CACNG3: variants seen among roughly 807,000 people sequenced by gnomAD.
CACNG3 encodes the protein calcium voltage-gated channel auxiliary subunit gamma 3.
CACNG3 carries 3 observed loss-of-function variants against 28.5 expected under a neutral mutation model. The ratio of observed to expected loss-of-function variants is 0.11; its 90% CI spans 0.05 to 0.27. The LOEUF (loss-of-function observed/expected upper bound fraction) is 0.27. CACNG3 is among the 10% of genes least tolerant of loss of function. The pLI, the probability that CACNG3 is intolerant of heterozygous loss-of-function variation, is 1.00. For synonymous variants in CACNG3, 174 were observed against 162.2 expected (o/e 1.07, Z -0.55); for missense variants, 236 against 414.4 (o/e 0.57, Z 3.74).
In CACNG3 at chr16:24,351,252, A is replaced by T. The variant is rs928499583; in HGVS notation, c.296-3581A>T. On this transcript the variant is annotated intron_variant, in intron 2 of 3. Coordinates refer to ENST00000005284, the MANE Select transcript of CACNG3 (RefSeq NM_006539.4). ...ATGTAAGTTTCTAAAGCTTCAGTTC[A>T]TGGGCATCCAGCCTGTTAGAAAATT... Among the ~76,000 whole-genome samples the T allele has an allele frequency of 6.6e-5, 10 of 152,214 alleles. No individual in the cohort carries two copies. In the East Asian group the frequency reaches 1.9e-3, roughly 29 times the overall value.
At chr16:24,315,470 CCTTT>C (rs1329848111) in intron 1 of CACNG3, among the ~76,000 whole-genome samples, 1 of 140,720 alleles carries the variant, frequency 7.1e-6, no homozygotes, top group Non-Finnish European at 1.5e-5. Flanking sequence ...TTCCTTCCTT[CCTTT>C]CTCTCTCTCT....
chr16:24,272,496 T>G (rs1287513003), intron 1 of CACNG3, among the ~76,000 whole-genome samples: 1 of 152,170 alleles, frequency 6.6e-6, no homozygotes, highest in Non-Finnish European at 1.5e-5. Flanking sequence ...ATTAGACATT[T>G]AATCATGCAC....
intron 1 of CACNG3, among the ~76,000 whole-genome samples, chr16:24,309,785 G>T (rs953270006): frequency 6.6e-6 from 1 of 152,200 alleles, no homozygotes; most frequent in Non-Finnish European, 1.5e-5. Flanking sequence ...ATACAGAGGA[G>T]GAGATGTATT....
At chr16:24,273,384 A>G (rs1047241656) in intron 1 of CACNG3, among the ~76,000 whole-genome samples, 4 of 152,194 alleles carry the variant, frequency 2.6e-5, no homozygotes, top group African/African-American at 9.7e-5. Flanking sequence ...AATTTTTTAA[A>G]ATAACGCACA....
chr16:24,332,031 T>C (rs938122104), intron 1 of CACNG3, among the ~76,000 whole-genome samples: 1 of 152,250 alleles, frequency 6.6e-6, no homozygotes, highest in African/African-American at 2.4e-5. Flanking sequence ...GTTTCATTTA[T>C]TTCTTTGTTT....
intron 1 of CACNG3, among the ~76,000 whole-genome samples, chr16:24,276,362 TA>T (rs1898753719): frequency 6.6e-6 from 1 of 152,224 alleles, no homozygotes; most frequent in African/African-American, 2.4e-5. Context: ...TAGGAAATAT[TA>T]AATAGATACA....
intron 1 of CACNG3, among the ~76,000 whole-genome samples, chr16:24,331,988 T>A (rs1899637054): frequency 6.6e-6 from 1 of 152,230 alleles, no homozygotes; most frequent in Non-Finnish European, 1.5e-5. Flanking sequence ...AACTTACCAC[T>A]GAAATTATCT....
chr16:24,314,533 G>C (rs1244706754), intron 1 of CACNG3, among the ~76,000 whole-genome samples: 1 of 152,154 alleles, frequency 6.6e-6, no homozygotes, highest in Non-Finnish European at 1.5e-5. Flanking sequence ...TGGACAGCAG[G>C]CTCTTCTCTA....
chr16:24,311,390 T>C (rs1899260435), intron 1 of CACNG3, among the ~76,000 whole-genome samples: 1 of 151,736 alleles, frequency 6.6e-6, no homozygotes, highest in Non-Finnish European at 1.5e-5. Context: ...CCACCTGTAG[T>C]CCCAGCTACT....
chr16:24,277,291 A>C (rs747324116), intron 1 of CACNG3, among the ~76,000 whole-genome samples: 69 of 152,214 alleles, frequency 4.5e-4, no homozygotes, highest in Non-Finnish European at 7.2e-4. Flanking sequence ...ATACTAAGGC[A>C]GTAGCTCTCG....
At chr16:24,347,817 C>T (rs541104934) in intron 2 of CACNG3, among the ~76,000 whole-genome samples, 1 of 152,224 alleles carries the variant, frequency 6.6e-6, no homozygotes, top group Non-Finnish European at 1.5e-5. Context: ...ACTCTACTAG[C>T]TGGGTTGGAC....
chr16:24,326,902 C>T (rs1176685756), intron 1 of CACNG3, among the ~76,000 whole-genome samples: 1 of 152,014 alleles, frequency 6.6e-6, no homozygotes, highest in Non-Finnish European at 1.5e-5. Flanking sequence ...CATGATCTCG[C>T]TCCCCTGCCA....
intron 1 of CACNG3, among the ~76,000 whole-genome samples, chr16:24,260,010 T>C (rs1185109764): frequency 2.0e-5 from 3 of 152,192 alleles, no homozygotes; most frequent in African/African-American, 7.2e-5. Flanking sequence ...AGCCAACATG[T>C]ATTGGTATTT....
At chr16:24,282,435 C>T (rs1898842419) in intron 1 of CACNG3, among the ~76,000 whole-genome samples, 1 of 151,252 alleles carries the variant, frequency 6.6e-6, no homozygotes, top group African/African-American at 2.4e-5. Flanking sequence ...GAATCTTACA[C>T]TCGGATAATT....
At chr16:24,309,633 C>T (rs1472077907) in intron 1 of CACNG3, among the ~76,000 whole-genome samples, 10 of 152,136 alleles carry the variant, frequency 6.6e-5, no homozygotes, top group Non-Finnish European at 1.3e-4. Context: ...AACAGTGCAA[C>T]GACATGCTGT....
At chr16:24,312,970 G>GAAAGAAAGA (rs1567216144) in intron 1 of CACNG3, among the ~76,000 whole-genome samples, 9 of 130,576 alleles carry the variant, frequency 6.9e-5, no homozygotes, top group African/African-American at 1.4e-4. Context: ...AGAAAGAAAA[G>GAAAGAAAGA]AAAGAAAGAA....
intron 1 of CACNG3, among the ~76,000 whole-genome samples, chr16:24,315,018 A>G (rs1899329681): frequency 6.6e-6 from 1 of 152,084 alleles, no homozygotes; most frequent in African/African-American, 2.4e-5. Flanking sequence ...TGGAACATGG[A>G]GGTGTCTTGC....
intron 1 of CACNG3, among the ~76,000 whole-genome samples, chr16:24,300,649 A>T (rs1199037746): frequency 6.6e-6 from 1 of 151,466 alleles, no homozygotes; most frequent in East Asian, 1.9e-4. Flanking sequence ...TAGACTGAGC[A>T]TGGTGGCTCA....
intron 1 of CACNG3, among the ~76,000 whole-genome samples, chr16:24,293,727 A>G (rs923077047): frequency 2.6e-5 from 4 of 152,096 alleles, no homozygotes; most frequent in Middle Eastern, 3.2e-3. Flanking sequence ...TGTTCTTCTG[A>G]TCTGCTTCCA....
Sources: gnomAD v4.1 joint callset for allele counts (sites outside exome capture counted in the v4.1 genomes callset) on GRCh38, gnomAD v4.1.1 for gene constraint, MANE v1.5 for transcripts, NCBI Gene and HGNC (gene_info 2026-07-23, HGNC 2026-07-21) for gene names.